Variants in GOLM2 observed in about 807,000 individuals in gnomAD.
The protein encoded by GOLM2 is protein GOLM2.
In GOLM2, 26 loss-of-function variants were observed where a neutral mutation model predicts 55.9. The ratio of observed to expected loss-of-function variants is 0.47; its 90% confidence interval spans 0.34 to 0.65. GOLM2 has a LOEUF of 0.65. Ranked by LOEUF, GOLM2 falls within the 30% of genes least tolerant of loss-of-function variation. The pLI is 0.01. For missense variants in GOLM2, 486 were observed against 531.8 expected, an observed-to-expected ratio of 0.91 and a Z score of 0.85; for synonymous variants, 165 against 194.6, an observed-to-expected ratio of 0.85 and a Z score of 1.27.
At chr15:44,388,812 T>C (rs1018932500) in intron 8 of GOLM2, among the ~76,000 whole-genome samples, 2 of 151,996 alleles carry the variant, frequency 1.3e-5, no homozygotes, top group Non-Finnish European at 2.9e-5. Context: ...CTGAGCCCAA[T>C]GAAAATTCAT....
chr15:44,376,612 C>A (rs935872751), intron 6 of GOLM2, among the ~76,000 whole-genome samples: 2 of 152,168 alleles, frequency 1.3e-5, no homozygotes, highest in South Asian at 4.2e-4. Context: ...AACATAATCT[C>A]ATTTTTGTGG....
At chr15:44,392,804 T>C (rs1170937640) in intron 8 of GOLM2, among the ~76,000 whole-genome samples, 3 of 152,190 alleles carry the variant, frequency 2.0e-5, no homozygotes, top group Non-Finnish European at 4.4e-5. Flanking sequence ...TCTCAAAAGA[T>C]GTAAAGTGAG....
chr15:44,397,755 A>G (rs954756447), intron 8 of GOLM2, among the ~76,000 whole-genome samples: 3 of 152,128 alleles, frequency 2.0e-5, no homozygotes, highest in Non-Finnish European at 4.4e-5. Flanking sequence ...CTAGATCCAT[A>G]TAGCTATGTG....
chr15:44,305,374 ACT>A (rs2078830204), intron 1 of GOLM2, among the ~76,000 whole-genome samples: 1 of 150,966 alleles, frequency 6.6e-6, no homozygotes, highest in East Asian at 1.9e-4. Context: ...ATCTCGGCTC[ACT>A]ACAACCTCTA....
chr15:44,402,356 TA>T (rs2079571050), intron 8 of GOLM2, among the ~76,000 whole-genome samples: 1 of 152,020 alleles, frequency 6.6e-6, no homozygotes, highest in Non-Finnish European at 1.5e-5. Flanking sequence ...CATACCCAGT[TA>T]ATTTTTGTAT....
rs753084272 is a variant in GOLM2 at position 44,289,196 on chromosome 15, C to T, written c.167C>T (p.Thr56Ile). 1.2e-6 allele frequency: 2 copies of T among 1,614,168 alleles called. No homozygotes were observed. Among genetic ancestry groups the T allele is most frequent in the South Asian group, 2.2e-5 (2 of 91,084 alleles). Reference sequence around the variant, plus strand: ...GAGCTGCAGGGCCAGGTCCAGCGCACCGAAGTGGCCCGCGGGCGGCTGGAA... The same window carrying T: ...GAGCTGCAGGGCCAGGTCCAGCGCATCGAAGTGGCCCGCGGGCGGCTGGAA... ...VAELQGQVQR[T>I]EVARGRLEKR... The change falls in exon 1 of 10, where the codon ACC (threonine) becomes ATC (isoleucine). Residue 56 changes from threonine to isoleucine, a missense_variant. Coordinates refer to ENST00000299957, the MANE Select transcript of GOLM2 (RefSeq NM_138423.4). The surrounding 1 kb of genome is among the most constrained non-coding windows in gnomAD (Gnocchi z 4.8).
intron 8 of GOLM2, among the ~76,000 whole-genome samples, chr15:44,384,469 G>A (rs530468487): frequency 3.9e-5 from 6 of 152,074 alleles, no homozygotes; most frequent in African/African-American, 7.2e-5. Flanking sequence ...AAATTAGGCC[G>A]GGCACGGTGA....
chr15:44,309,408 T>C (rs2078859098), intron 1 of GOLM2, among the ~76,000 whole-genome samples: 1 of 152,166 alleles, frequency 6.6e-6, no homozygotes, highest in Non-Finnish European at 1.5e-5. Flanking sequence ...GCATATCAAA[T>C]CATCAAATTG....
intron 6 of GOLM2, among the ~76,000 whole-genome samples, chr15:44,364,712 A>G (rs2079272216): frequency 6.6e-6 from 1 of 152,050 alleles, no homozygotes; most frequent in Admixed American, 6.6e-5. Context: ...AAAGAAGAGA[A>G]AAGAAAACAA....
At chr15:44,401,899 G>A (rs867254292) in intron 8 of GOLM2, among the ~76,000 whole-genome samples, 28 of 147,646 alleles carry the variant, frequency 1.9e-4, no homozygotes, top group Middle Eastern at 3.5e-3. Flanking sequence ...GTGTGATCTC[G>A]GATCACTACA....
At position 44,413,810 on chromosome 15, in the gene GOLM2, C is replaced by CT. The variant is rs878960875; in HGVS notation, c.*421dup. The CT allele has an allele frequency of 0.071, 9,717 of 136,962 alleles. 528 individuals carry two copies. The highest frequency in any genetic ancestry group is 0.15 in the African/African-American group (5,736 of 37,438). 8.5% of individuals were successfully genotyped at this position (136,962 alleles called of 1,614,324 possible). On this transcript the variant is annotated 3_prime_UTR_variant, in exon 10 of 10. Transcript: ENST00000299957. ...GCAGAAAACTTTTTATACTCTAATT[C>CT]TTTTTTTTTTTTTTTTTGAGACAGA...
chr15:44,289,336 A>C lies in GOLM2; in HGVS notation c.307A>C (p.Lys103Gln). The change falls in exon 1 of 10, where the codon AAG becomes CAG. Residue 103 changes from lysine (K) to glutamine (Q), a missense_variant. By Grantham distance (53) the Lys-to-Gln change is moderately conservative. Coordinates refer to ENST00000299957, the MANE Select transcript of GOLM2 (RefSeq NM_138423.4). The surrounding 1 kb of genome is among the most constrained non-coding windows in gnomAD (Gnocchi z 4.8). ...GCTGCAGGCCAGAGAGGGCCTCGGG[A>C]AGAGATGCGAGGATGACAAGGTAAG... ...SRLQAREGLG[K>Q]RCEDDKVKLQ... 6.2e-7 allele frequency: 1 copy of C among 1,612,748 alleles called. No individual in the cohort carries two copies. Among genetic ancestry groups the C allele is most frequent in the Non-Finnish European group, 8.5e-7 (1 of 1,179,510 alleles).
chr15:44,378,061 T>C (rs2079376426), intron 6 of GOLM2, among the ~76,000 whole-genome samples: 1 of 150,304 alleles, frequency 6.7e-6, no homozygotes, highest in Non-Finnish European at 1.5e-5. Flanking sequence ...ATTTATTTAT[T>C]TTTTTGAGAC....
chr15:44,364,781 A>G (rs1221581552), intron 6 of GOLM2, among the ~76,000 whole-genome samples: 1 of 152,150 alleles, frequency 6.6e-6, no homozygotes, highest in Non-Finnish European at 1.5e-5. Context: ...AGGCATAAAA[A>G]TGGCAAACAT....
chr15:44,381,497 G>C (rs926088950), intron 8 of GOLM2, among the ~76,000 whole-genome samples: 1 of 152,176 alleles, frequency 6.6e-6, no homozygotes, highest in African/African-American at 2.4e-5. Context: ...TTTGAGGCAG[G>C]AGAGTGTCCC....
At chr15:44,411,037 TTTG>T (rs2079635346) in intron 9 of GOLM2, among the ~76,000 whole-genome samples, 1 of 146,996 alleles carries the variant, frequency 6.8e-6, no homozygotes, top group Admixed American at 6.8e-5. Context: ...TTTTTTTTTT[TTTG>T]AGATAGGGTT....
chr15:44,299,086 G>A (rs1222335150), intron 1 of GOLM2, among the ~76,000 whole-genome samples: 2 of 152,168 alleles, frequency 1.3e-5, no homozygotes, highest in Non-Finnish European at 2.9e-5. Context: ...GAAGCCAGGA[G>A]CCTCCCCCTA....
chr15:44,295,910 C>CCACACA (rs2078752898), intron 1 of GOLM2, among the ~76,000 whole-genome samples: 5 of 137,344 alleles, frequency 3.6e-5, no homozygotes, highest in African/African-American at 1.7e-4. Context: ...GGGAGATCCA[C>CCACACA]CACACATACA....
intron 6 of GOLM2, among the ~76,000 whole-genome samples, chr15:44,358,472 G>A (rs990743282): frequency 1.6e-4 from 24 of 152,160 alleles, no homozygotes; most frequent in Admixed American, 1.5e-3. Context: ...TAATATTAGA[G>A]CTACAGTAAT....
Sources: allele counts gnomAD v4.1 joint callset (sites outside exome capture counted in the v4.1 genomes callset), GRCh38; gene constraint gnomAD v4.1.1; non-coding constraint Gnocchi (gnomAD v3.1); transcripts MANE v1.5; gene names NCBI Gene and HGNC (gene_info 2026-07-23, HGNC 2026-07-21).